The following TSGA10 variants were observed in gnomAD, a reference collection of about 807,000 sequenced individuals.
The protein encoded by TSGA10 is testis specific 10.
Under a neutral mutation model 96.6 loss-of-function variants are expected in TSGA10, and 43 were observed. That is an observed-to-expected ratio of 0.44 (90% CI 0.35 to 0.57). TSGA10 has a LOEUF of 0.57. TSGA10 is among the 20% of genes least tolerant of loss of function. TSGA10 has a pLI of 0.01. For synonymous variants in TSGA10, 229 were observed against 269.9 expected (o/e 0.85, Z 1.48); for missense variants, 703 against 834.4 (o/e 0.84, Z 1.94).
intron 1 of TSGA10, among the ~76,000 whole-genome samples, chr2:99,139,905 T>TC (rs2093467174): frequency 6.6e-6 from 1 of 152,136 alleles, no homozygotes; most frequent in Non-Finnish European, 1.5e-5. Context: ...AAATATGTAA[T>TC]CTGAAAAGGT....
chr2:99,073,018 C>G lies in TSGA10; in HGVS notation c.938G>C (p.Arg313Thr). The G allele has an allele frequency of 6.2e-7, 1 of 1,607,836 alleles. No individual in the cohort carries two copies. Among genetic ancestry groups the G allele is most frequent in the Non-Finnish European group, 8.5e-7 (1 of 1,175,834 alleles). Reference protein sequence around the residue: ...NIIAEMEQASRQCTEALIVCE... With the variant: ...NIIAEMEQASTQCTEALIVCE... ...TATATTTGTTGCACGACTGATTTAC[C>G]TTGATGCCTGTTCCATCTCAGCAAT... The change falls in exon 13 of 21, where the codon AGA becomes ACA. Residue 313 changes from arginine to threonine, a missense_variant and splice_region_variant. Arg to Thr is a moderately conservative substitution (Grantham distance 71). Around this residue, in one of 3 missense-constraint regions of TSGA10, gnomAD observed 585 missense variants for 656.8 expected, o/e 0.89. Transcript: ENST00000393483.
chr2:99,088,251 GA>G, intron 10 of TSGA10, among the ~76,000 whole-genome samples: 1 of 152,298 alleles, frequency 6.6e-6, no homozygotes, highest in East Asian at 1.9e-4. Context: ...ACAGTCAACT[GA>G]AAACAGAGAG....
At position 99,108,968 on chromosome 2, in the gene TSGA10, A is replaced by C; in HGVS notation, c.75T>G (p.Leu25=). 2 of 1,592,550 alleles carry C rather than the reference A, an allele frequency of 1.3e-6. No individual in the cohort carries two copies. The highest frequency in any genetic ancestry group is 1.7e-6 in the Non-Finnish European group (2 of 1,173,814). Residue 25 remains leucine, a synonymous_variant, in exon 7 of 21, where the codon CTT becomes CTG. Coordinates refer to ENST00000393483, the MANE Select transcript of TSGA10 (RefSeq NM_025244.4). ...CACGATCTCTTGTTGTTGTCTTCAA[A>C]AGTTCTACATCACAGTTTGCACCCT... ...TARGANCDVE[L]LKTTTRDREE...
Position 99,033,046 on chromosome 2 carries a change from T to C in TSGA10, c.1614+2184A>G, listed in dbSNP as rs537712116. On this transcript the variant is annotated intron_variant, in intron 17 of 20. Coordinates refer to ENST00000393483, the MANE Select transcript of TSGA10 (RefSeq NM_025244.4). The stretch of plus-strand genomic sequence containing the variant: ...ATGACTACACATCAGGAAAACTGAA[T>C]TGGTCATTTTGTGTCAGTATATGAG... Among the ~76,000 whole-genome samples the C allele has an allele frequency of 9.8e-5, 15 of 152,294 alleles. No individual in the cohort carries two copies. In the South Asian group the frequency reaches 1.2e-3, roughly 13 times the overall value.
chr2:99,134,379 A>G (rs764928329), intron 1 of TSGA10, among the ~76,000 whole-genome samples: 3 of 152,030 alleles, frequency 2.0e-5, no homozygotes, highest in Non-Finnish European at 4.4e-5. Flanking sequence ...TCAGCTATTG[A>G]TACTTGTGTA....
At chr2:99,048,134 T>C (rs1218089969) in intron 16 of TSGA10, among the ~76,000 whole-genome samples, 3 of 152,052 alleles carry the variant, frequency 2.0e-5, no homozygotes, top group Non-Finnish European at 4.4e-5. Flanking sequence ...ATCGTGAAAA[T>C]GGCCATACTG....
chr2:99,051,300 A>G (rs927055719), intron 16 of TSGA10, among the ~76,000 whole-genome samples: 9 of 152,170 alleles, frequency 5.9e-5, no homozygotes, highest in African/African-American at 2.2e-4. Flanking sequence ...GATAAAAAAT[A>G]TATCATGCAA....
chr2:99,119,311 T>C (rs1342196182), intron 2 of TSGA10, among the ~76,000 whole-genome samples: 4 of 152,156 alleles, frequency 2.6e-5, no homozygotes, highest in Non-Finnish European at 4.4e-5. Flanking sequence ...TCTTCTCTTT[T>C]GGCCTTCTCC....
chr2:99,122,595 T>C (rs1233737224), intron 2 of TSGA10, among the ~76,000 whole-genome samples: 7 of 114,562 alleles, frequency 6.1e-5, no homozygotes, highest in Non-Finnish European at 8.5e-5. Flanking sequence ...CTGGGAAACA[T>C]GGCAAAACTC....
chr2:99,015,296 C>T lies in TSGA10; in HGVS notation c.2072+2904G>A, dbSNP rs188218532. Among the ~76,000 whole-genome samples the T allele has an allele frequency of 1.7e-4, 26 of 152,166 alleles. No individual in the cohort carries two copies. In the East Asian group the frequency reaches 3.9e-3, roughly 23 times the overall value. On this transcript the variant is annotated intron_variant, in intron 20 of 20. Transcript: ENST00000393483. ...ATATCAAAAAGATAATACACCATGA[C>T]CAAGTGAGTTGCATACCAGGTATGC...
intron 10 of TSGA10, among the ~76,000 whole-genome samples, chr2:99,098,205 A>T (rs2090278155): frequency 6.6e-6 from 1 of 152,096 alleles, no homozygotes; most frequent in African/African-American, 2.4e-5. Context: ...TGGGAGGCTG[A>T]GGTGGGTGGA....
intron 3 of TSGA10, among the ~76,000 whole-genome samples, chr2:99,118,184 C>CA (rs1245987577): frequency 2.0e-5 from 3 of 151,920 alleles, no homozygotes; most frequent in Non-Finnish European, 4.4e-5. Context: ...GGCATGGTGA[C>CA]TCACACTTGT....
intron 17 of TSGA10, among the ~76,000 whole-genome samples, chr2:99,025,411 T>C (rs1573577939): frequency 6.6e-6 from 1 of 152,236 alleles, no homozygotes. Context: ...TTTTTGGCAT[T>C]CAGTTGTTCA....
At chr2:99,028,884 T>G (rs1442010213) in intron 17 of TSGA10, among the ~76,000 whole-genome samples, 6 of 152,324 alleles carry the variant, frequency 3.9e-5, no homozygotes, top group African/African-American at 1.4e-4. Flanking sequence ...TGGGAATCCA[T>G]CTTAAGGATA....
chr2:99,026,783 G>A (rs1353037820), intron 17 of TSGA10, among the ~76,000 whole-genome samples: 1 of 152,136 alleles, frequency 6.6e-6, no homozygotes, highest in East Asian at 1.9e-4. Context: ...AGGAGGTAAA[G>A]TAAGGCCATA....
At chr2:99,109,626 G>GA (rs1466837079) in intron 5 of TSGA10, 114 bp from the exon 6 acceptor site, 5 of 831,922 alleles carry the variant, frequency 6.0e-6, no homozygotes, top group Non-Finnish European at 4.8e-6. Flanking sequence ...AAGTGAAATT[G>GA]AAAACAAACA....
intron 16 of TSGA10, among the ~76,000 whole-genome samples, chr2:99,056,875 AC>A (rs763133319): frequency 1.3e-5 from 2 of 151,750 alleles, no homozygotes; most frequent in Non-Finnish European, 2.9e-5. Flanking sequence ...ATAATTACAT[AC>A]CATGACCAAG....
intron 12 of TSGA10, among the ~76,000 whole-genome samples, chr2:99,076,044 TTTAA>T (rs1316716931): frequency 1.9e-4 from 29 of 152,186 alleles, no homozygotes; most frequent in African/African-American, 2.9e-4. Context: ...ATCTATTAAC[TTTAA>T]TTAAATTTTC....
rs150840727 is a variant in TSGA10 at position 99,138,125 on chromosome 2, T to G, written c.-620-10949A>C. On this transcript the variant is annotated intron_variant, in intron 1 of 20. Transcript: ENST00000393483. ...TTTCATTATAGCAGCCTGAATGGAC[T>G]AAGATATTTGCCAGTAACATTTGAC... is the stretch of plus-strand genomic sequence containing the variant. Among the ~76,000 whole-genome samples the G allele has an allele frequency of 9.5e-4, 145 of 152,338 alleles. 1 individual carries two copies. The East Asian group carries it at 0.027, about 28-fold the overall frequency.
Sources: gnomAD v4.1 joint callset for allele counts (sites outside exome capture counted in the v4.1 genomes callset) on GRCh38, gnomAD v4.1.1 for gene constraint, gnomAD v4.1.1 regional missense constraint, MANE v1.5 for transcripts, NCBI Gene and HGNC (gene_info 2026-07-23, HGNC 2026-07-21) for gene names.